Variants in EIPR1 observed in about 807,000 individuals in gnomAD.
The protein encoded by EIPR1 is EARP and GARP complex-interacting protein 1.
A neutral mutation model predicts 48.1 loss-of-function variants in EIPR1; 25 were observed. The ratio of observed to expected loss-of-function variants is 0.52; its 90% confidence interval spans 0.38 to 0.73. The LOEUF (loss-of-function observed/expected upper bound fraction) is 0.73. EIPR1 is among the 30% of genes least tolerant of loss of function. The pLI is 0.00. For synonymous variants in EIPR1, 204 were observed against 201.9 expected, an observed-to-expected ratio of 1.01 and a Z score of -0.09; for missense variants, 415 against 506.2, an observed-to-expected ratio of 0.82 and a Z score of 1.73.
At chr2:3,308,394 A>G (rs913658724) in intron 3 of EIPR1, among the ~76,000 whole-genome samples, 2 of 152,266 alleles carry the variant, frequency 1.3e-5, no homozygotes, top group African/African-American at 4.8e-5. Context: ...GATATAAAAA[A>G]GAACCAAATG....
intron 2 of EIPR1, among the ~76,000 whole-genome samples, chr2:3,344,014 G>A (rs1670330072): frequency 6.6e-6 from 1 of 152,110 alleles, no homozygotes. Flanking sequence ...AGACAAGCCT[G>A]GGCAACATGG....
At chr2:3,252,451 C>T (rs1211732129) in intron 4 of EIPR1, among the ~76,000 whole-genome samples, 1 of 152,130 alleles carries the variant, frequency 6.6e-6, no homozygotes. Context: ...ATTAGCCAGG[C>T]GTGGTGGTGG....
At chr2:3,192,251 G>A (rs897504714) in intron 8 of EIPR1, among the ~76,000 whole-genome samples, 163 bp downstream of exon 8, 3 of 152,160 alleles carry the variant, frequency 2.0e-5, no homozygotes, top group East Asian at 1.9e-4. Context: ...TGCTAATGAC[G>A]GCACCCCTGG....
intron 3 of EIPR1, chr2:3,261,580 CCA>C (rs1160710179): frequency 6.6e-6 from 1 of 152,266 alleles, no homozygotes; most frequent in Non-Finnish European, 1.5e-5. Context: ...AGGGTAATCC[CCA>C]CACATTTCCA....
intron 3 of EIPR1, among the ~76,000 whole-genome samples, chr2:3,320,966 G>A (rs1441446626): frequency 6.6e-6 from 1 of 152,094 alleles, no homozygotes. Context: ...AATGCAAAAT[G>A]TTTTCATTTC....
At chr2:3,246,979 AGGG>A (rs1666835734) in intron 4 of EIPR1, among the ~76,000 whole-genome samples, 1 of 72 alleles carries the variant, frequency 0.014, no homozygotes, top group Non-Finnish European at 0.028. Context: ...GGAAGGAGGG[AGGG>A]AGGGAGGGAG....
intron 3 of EIPR1, among the ~76,000 whole-genome samples, chr2:3,333,058 C>T (rs187493319): frequency 5.3e-5 from 8 of 152,300 alleles, no homozygotes; most frequent in Admixed American, 3.3e-4. Flanking sequence ...TGCCTGTGGG[C>T]GCCAGATCCT....
At chr2:3,248,202 C>T (rs563626620) in intron 4 of EIPR1, among the ~76,000 whole-genome samples, 12 of 152,158 alleles carry the variant, frequency 7.9e-5, no homozygotes, top group Non-Finnish European at 1.8e-4. Context: ...AATCCCAGAA[C>T]TTTGGAAGGC....
rs772575421 is a variant in EIPR1 at position 3,196,976 on chromosome 2, C to A, written c.558G>T (p.Lys186Asn). The change falls in exon 6 of 9, where the codon AAG becomes AAT. Residue 186 changes from lysine to asparagine, a missense_variant. Lys to Asn is a moderately conservative substitution (Grantham distance 94, BLOSUM62 0). Coordinates refer to ENST00000382125, the MANE Select transcript of EIPR1 (RefSeq NM_003310.5). ...GTGGGCTCCACCGTCCTGAGGTGAA[C>A]TTCAGTTGTCCCTTCCCTTCCAGGG... ...SASLEGKGQLKFTSGRWSPHH... is the reference protein window; with the variant it reads ...SASLEGKGQLNFTSGRWSPHH... The A allele has an allele frequency of 4.3e-6, 7 of 1,613,980 alleles. No individual in the cohort carries two copies. The highest frequency in any genetic ancestry group is 5.9e-6 in the Non-Finnish European group (7 of 1,180,048).
intron 5 of EIPR1, chr2:3,209,019 G>A: frequency 2.1e-6 from 3 of 1,449,512 alleles, no homozygotes; most frequent in Non-Finnish European, 2.7e-6. Flanking sequence ...AACAATAGTG[G>A]AGGTGGCTGA....
At chr2:3,209,302 C>T (rs1346506852) in intron 5 of EIPR1, among the ~76,000 whole-genome samples, 1 of 152,204 alleles carries the variant, frequency 6.6e-6, no homozygotes. Context: ...GAAGAGCCCA[C>T]TGAAAGCCAC....
At chr2:3,224,679 C>T (rs187484396) in intron 4 of EIPR1, among the ~76,000 whole-genome samples, 169 of 152,344 alleles carry the variant, frequency 1.1e-3, no homozygotes, top group African/African-American at 3.7e-3. Context: ...CCACCACACG[C>T]AGTCCTTCAA....
Position 3,208,494 on chromosome 2 carries a change from T to C in EIPR1, c.516+5655A>G, listed in dbSNP as rs1478478236. ...TCTGTCAGTTGGGAGGGGGCCCAAT[T>C]ATATGATGAGGAGGTCTGTGTCTGA... On this transcript the variant is annotated intron_variant, in intron 5 of 8. Transcript: ENST00000382125. The C allele has an allele frequency of 2.6e-6, 4 of 1,525,900 alleles. No individual in the cohort carries two copies. The East Asian group carries it at 9.9e-5, about 38-fold the overall frequency. 94.5% of individuals were successfully genotyped at this position (1,525,900 alleles called of 1,614,324 possible).
chr2:3,299,788 T>C (rs534678784), intron 3 of EIPR1, among the ~76,000 whole-genome samples: 1 of 152,284 alleles, frequency 6.6e-6, no homozygotes, highest in African/African-American at 2.4e-5. Context: ...CCAAGCTGCA[T>C]TCCCTCTCTT....
At chr2:3,243,977 C>G (rs1160518133) in intron 4 of EIPR1, among the ~76,000 whole-genome samples, 1 of 152,236 alleles carries the variant, frequency 6.6e-6, no homozygotes, top group Non-Finnish European at 1.5e-5. Flanking sequence ...ACAGAACTCA[C>G]ACCAGCCCCA....
intron 8 of EIPR1, among the ~76,000 whole-genome samples, chr2:3,192,200 G>A (rs1185389442): frequency 6.6e-6 from 1 of 152,150 alleles, no homozygotes; most frequent in Admixed American, 6.5e-5. Flanking sequence ...TTTTAAAACC[G>A]CACCTAACCC....
At chr2:3,200,038 C>T (rs1251268980) in intron 5 of EIPR1, among the ~76,000 whole-genome samples, 3 of 151,940 alleles carry the variant, frequency 2.0e-5, no homozygotes, top group South Asian at 2.1e-4. Context: ...CATCTGGGTA[C>T]AGACAAGGGG....
intron 3 of EIPR1, chr2:3,318,768 A>G: frequency 4.4e-6 from 2 of 451,238 alleles, no homozygotes; most frequent in Non-Finnish European, 9.3e-6. Context: ...AAGCCAAAAT[A>G]CATCTGGTGA....
intron 3 of EIPR1, among the ~76,000 whole-genome samples, chr2:3,313,943 G>T (rs1669205532): frequency 6.6e-6 from 1 of 152,134 alleles, no homozygotes; most frequent in South Asian, 2.1e-4. Context: ...AGCAGCCGGG[G>T]CTGTCCCCGA....
Sources: gnomAD v4.1 joint callset for allele counts (sites outside exome capture counted in the v4.1 genomes callset) on GRCh38, gnomAD v4.1.1 for gene constraint, MANE v1.5 for transcripts, NCBI Gene and HGNC (gene_info 2026-07-23, HGNC 2026-07-21) for gene names.